Variants in MTRFR observed in about 807,000 individuals in gnomAD.
MTRFR encodes probable peptide chain release factor C12orf65, mitochondrial.
Under a neutral mutation model 11.9 loss-of-function variants are expected in MTRFR, and 10 were observed. The ratio of observed to expected loss-of-function variants is 0.84; its 90% CI spans 0.52 to 1.42. The LOEUF (loss-of-function observed/expected upper bound fraction) is 1.42. Among genes scored for constraint, MTRFR ranks in the 40% most tolerant of loss-of-function variants. The probability of loss-of-function intolerance (pLI) is 0.00; values close to 1 mark genes in which losing one functional copy is unlikely to be tolerated. For missense variants in MTRFR, 196 were observed against 197.9 expected (o/e 0.99, Z 0.06); for synonymous variants, 77 against 79.1 (o/e 0.97, Z 0.14).
chr12:123,253,816 G>T lies in MTRFR; in HGVS notation c.142G>T (p.Asp48Tyr), dbSNP rs756031212. ...TCCGGTCCAGATGGCAGGCAAGAAGGACTACCCTGCACTGCTTTCCTTGGA... is the reference window on the plus strand; with the variant it reads ...TCCGGTCCAGATGGCAGGCAAGAAGTACTACCCTGCACTGCTTTCCTTGGA... Reference protein sequence around the residue: ...VTPVQMAGKKDYPALLSLDEN... With the variant: ...VTPVQMAGKKYYPALLSLDEN... Residue 48 changes from aspartate (D) to tyrosine (Y), a missense_variant, in exon 2 of 3, where the codon GAC becomes TAC. Coordinates refer to ENST00000253233, the MANE Select transcript of MTRFR (RefSeq NM_152269.5). 1.9e-6 allele frequency: 3 copies of T among 1,614,164 alleles called. No homozygotes were observed. The highest frequency in any genetic ancestry group is 1.7e-6 in the Non-Finnish European group (2 of 1,180,020).
chr12:123,255,207 C>CA (rs1351382861), intron 2 of MTRFR, among the ~76,000 whole-genome samples: 1 of 152,116 alleles, frequency 6.6e-6, no homozygotes, highest in Admixed American at 6.6e-5. Flanking sequence ...GTGACCTGCC[C>CA]AAGGTCCTGC....
intron 1 of MTRFR, among the ~76,000 whole-genome samples, chr12:123,246,016 T>C (rs549983668): frequency 6.6e-6 from 1 of 152,276 alleles, no homozygotes; most frequent in Admixed American, 6.5e-5. Flanking sequence ...CTTTTCCCCA[T>C]TGAGTATTAT....
intron 1 of MTRFR, among the ~76,000 whole-genome samples, chr12:123,239,606 G>A (rs2047899535): frequency 1.3e-5 from 2 of 152,148 alleles, no homozygotes; most frequent in South Asian, 2.1e-4. Context: ...GTTTCACCGT[G>A]TTAGCCAGGA....
intron 1 of MTRFR, among the ~76,000 whole-genome samples, chr12:123,247,758 A>C (rs575890503): frequency 6.6e-6 from 1 of 152,284 alleles, no homozygotes; most frequent in East Asian, 1.9e-4. Flanking sequence ...ATCCTGGCTA[A>C]CACAGTGAGA....
At chr12:123,243,001 T>G (rs1269550163) in intron 1 of MTRFR, among the ~76,000 whole-genome samples, 1 of 152,242 alleles carries the variant, frequency 6.6e-6, no homozygotes, top group Non-Finnish European at 1.5e-5. Flanking sequence ...AGATAAGTTT[T>G]GGACATTGAC....
chr12:123,240,068 G>C (rs2047907457), intron 1 of MTRFR, among the ~76,000 whole-genome samples: 1 of 152,056 alleles, frequency 6.6e-6, no homozygotes, highest in African/African-American at 2.4e-5. Flanking sequence ...GAGCTGGTTA[G>C]AAATGCAGAG....
intron 2 of MTRFR, among the ~76,000 whole-genome samples, chr12:123,255,444 C>T (rs1365898772): frequency 1.3e-5 from 2 of 151,956 alleles, no homozygotes; most frequent in Non-Finnish European, 2.9e-5. Flanking sequence ...TATTCTTTAA[C>T]CCTAATTTCA....
At position 123,253,070 on chromosome 12, in the gene MTRFR, A is replaced by ATTTT. The variant is rs71085872; in HGVS notation, c.-28-543_-28-540dup. Among the ~76,000 whole-genome samples the ATTTT allele has an allele frequency of 4.3e-4, 15 of 34,844 alleles. 5 individuals carry two copies. In the East Asian group the frequency reaches 6.2e-3, roughly 14 times the overall value. 22.9% of individuals were successfully genotyped at this position (34,844 alleles called of 152,430 possible). A position where few individuals can be genotyped will look rare whatever the true frequency, so the allele number is the denominator to read the frequency against. On this transcript the variant is annotated intron_variant, in intron 1 of 2. Transcript: ENST00000253233. Reference sequence around the variant, plus strand: ...ATCAAATTACAGTCCGTTCCTTTGAATTTTTTTTTTTTTTTTTTTTTTTTT... The same window carrying ATTTT: ...ATCAAATTACAGTCCGTTCCTTTGAATTTTTTTTTTTTTTTTTTTTTTTTTTTTT...
Position 123,253,792 on chromosome 12 carries a change from C to G in MTRFR, c.118C>G (p.Pro40Ala). Reference sequence around the variant, plus strand: ...GTTATCCCCAGGAATAGCTGTCACTCCGGTCCAGATGGCAGGCAAGAAGGA... The same window carrying G: ...GTTATCCCCAGGAATAGCTGTCACTGCGGTCCAGATGGCAGGCAAGAAGGA... ...TLLSPGIAVT[P>A]VQMAGKKDYP... Residue 40 changes from proline (P) to alanine (A), a missense_variant, in exon 2 of 3, where the codon CCG becomes GCG. By Grantham distance (27) the Pro-to-Ala change is conservative. Transcript: ENST00000253233. The G allele has an allele frequency of 6.2e-7, 1 of 1,614,222 alleles. No individual in the cohort carries two copies. The highest frequency in any genetic ancestry group is 8.5e-7 in the Non-Finnish European group (1 of 1,180,046).
chr12:123,250,015 A>C (rs1466018049), intron 1 of MTRFR: 1 of 152,206 alleles, frequency 6.6e-6, no homozygotes, highest in Non-Finnish European at 1.5e-5. Flanking sequence ...AACACCAATT[A>C]TTCTTAGGTT....
At position 123,238,287 on chromosome 12, in the gene MTRFR, G is replaced by C. The variant is rs548043591; in HGVS notation, c.-29+4756G>C. Among the ~76,000 whole-genome samples, 4 of 152,216 alleles carry C rather than the reference G, an allele frequency of 2.6e-5. No homozygotes were observed. In the South Asian group the frequency reaches 8.3e-4, roughly 32 times the overall value. On this transcript the variant is annotated intron_variant, in intron 1 of 2. Coordinates refer to ENST00000253233, the MANE Select transcript of MTRFR (RefSeq NM_152269.5). ...TAGCTTCTGGCACCACCTGCTGGCC[G>C]TTTTGTCTTTTCAAAGCAGCAACAT...
rs763611268 is a variant in MTRFR, at chr12:123,257,008, G to A, written c.478G>A (p.Glu160Lys). 2.5e-6 allele frequency: 4 copies of A among 1,612,618 alleles called. No homozygotes were observed. Among genetic ancestry groups the A allele is most frequent in the East Asian group, 2.2e-5 (1 of 44,866 alleles). Reference sequence around the variant, plus strand: ...AAAGAAGCTACTTAAAGAACTGTGGGAGTCAAGTAAAAAGGTCCACTGAGA... The same window carrying A: ...AAAGAAGCTACTTAAAGAACTGTGGAAGTCAAGTAAAAAGGTCCACTGAGA... ...EKKKLLKELWESSKKVH is the reference protein window; with the variant it reads ...EKKKLLKELWKSSKKVH The change falls in exon 3 of 3, where the codon GAG becomes AAG. Residue 160 changes from glutamate (E) to lysine (K), a missense_variant. Glu to Lys is a moderately conservative substitution (Grantham distance 56). Coordinates refer to ENST00000253233, the MANE Select transcript of MTRFR (RefSeq NM_152269.5).
intron 1 of MTRFR, among the ~76,000 whole-genome samples, chr12:123,247,270 T>C (rs563306673): frequency 5.9e-5 from 9 of 152,308 alleles, no homozygotes; most frequent in Non-Finnish European, 1.2e-4. Flanking sequence ...CCCACTATTA[T>C]TGTGCTGCTG....
chr12:123,242,837 G>A (rs550646358), intron 1 of MTRFR, among the ~76,000 whole-genome samples: 1 of 152,286 alleles, frequency 6.6e-6, no homozygotes, highest in East Asian at 1.9e-4. Context: ...ACTGGTTTGT[G>A]CCAGCGCTGT....
At chr12:123,246,837 TCTC>T (rs1387884906) in intron 1 of MTRFR, among the ~76,000 whole-genome samples, 1 of 144,736 alleles carries the variant, frequency 6.9e-6, no homozygotes, top group African/African-American at 2.6e-5. Flanking sequence ...TTCACGCCAT[TCTC>T]CTGCCTCAGC....
intron 1 of MTRFR, among the ~76,000 whole-genome samples, chr12:123,245,851 CAG>C (rs1481949357): frequency 2.0e-5 from 3 of 152,122 alleles, no homozygotes; most frequent in Non-Finnish European, 2.9e-5. Context: ...CATTAGCAAA[CAG>C]TGACAGCTTG....
Position 123,257,052 on chromosome 12 carries a change from A to C in MTRFR, c.*21A>C. The stretch of plus-strand genomic sequence containing the variant: ...ACTGAGAAAAGAATTAGAGATTCCA[A>C]CTGACAGAATCTGCCAGAAGCTCCC... On this transcript the variant is annotated 3_prime_UTR_variant, in exon 3 of 3. Transcript: ENST00000253233. The C allele has an allele frequency of 6.3e-7, 1 of 1,579,654 alleles. No homozygotes were observed. Among genetic ancestry groups the C allele is most frequent in the African/African-American group, 1.3e-5 (1 of 74,182 alleles).
intron 1 of MTRFR, chr12:123,240,432 G>A (rs561413089): frequency 6.6e-6 from 1 of 152,240 alleles, no homozygotes; most frequent in African/African-American, 2.4e-5. Flanking sequence ...ACTCCCAGGT[G>A]ATTTGTATGC....
In MTRFR at chr12:123,253,860, G is replaced by C; in HGVS notation, c.186G>C (p.Glu62Asp). The change falls in exon 2 of 3, where the codon GAG becomes GAC. Residue 62 changes from glutamate to aspartate, a missense_variant. Glu to Asp is a conservative substitution (Grantham distance 45). Coordinates refer to ENST00000253233, the MANE Select transcript of MTRFR (RefSeq NM_152269.5). Reference sequence around the variant, plus strand: ...CCTTGGATGAGAATGAACTCGAAGAGCAGTTTGTGAAAGGACACGGTCCAG... The same window carrying C: ...CCTTGGATGAGAATGAACTCGAAGACCAGTTTGTGAAAGGACACGGTCCAG... The part of the protein sequence containing the change: ...LLSLDENELE[E>D]QFVKGHGPGG... 1 of 1,614,230 alleles carries C rather than the reference G, an allele frequency of 6.2e-7. No homozygotes were observed. Among genetic ancestry groups the C allele is most frequent in the Non-Finnish European group, 8.5e-7 (1 of 1,180,046 alleles).
Sources: gnomAD v4.1 joint callset for allele counts (sites outside exome capture counted in the v4.1 genomes callset) on GRCh38, gnomAD v4.1.1 for gene constraint, MANE v1.5 for transcripts, NCBI Gene and HGNC (gene_info 2026-07-23, HGNC 2026-07-21) for gene names.